The following RAD51AP1 variants were observed in gnomAD, a reference collection of about 807,000 sequenced individuals.
RAD51AP1 encodes RAD51-associated protein 1.
In RAD51AP1, 14 loss-of-function variants were observed where a neutral mutation model predicts 34.3. The ratio of observed to expected loss-of-function variants is 0.41; its 90% CI spans 0.27 to 0.64. The LOEUF is 0.64. Among genes scored for constraint, RAD51AP1 ranks in the 30% least tolerant of loss-of-function variants. The pLI, the probability that RAD51AP1 is intolerant of heterozygous loss-of-function variation, is 0.33. For missense variants in RAD51AP1, 348 were observed against 386.9 expected (o/e 0.90, Z 0.84); for synonymous variants, 114 against 129.8 (o/e 0.88, Z 0.83).
At chr12:4,541,438 A>G (rs932853111) in intron 1 of RAD51AP1, among the ~76,000 whole-genome samples, 6 of 152,218 alleles carry the variant, frequency 3.9e-5, no homozygotes, top group Admixed American at 1.3e-4. Context: ...CTAGTAAGGA[A>G]GATAGAATGC....
chr12:4,551,588 A>T (rs1403836930), intron 6 of RAD51AP1, among the ~76,000 whole-genome samples: 1 of 152,102 alleles, frequency 6.6e-6, no homozygotes, highest in Non-Finnish European at 1.5e-5. Context: ...AGGACAATTG[A>T]CTCAACTGCT....
At chr12:4,552,871 G>A (rs1399187687) in intron 6 of RAD51AP1, 112 bp from the exon 7 acceptor site, 15 of 991,984 alleles carry the variant, frequency 1.5e-5, no homozygotes, top group Non-Finnish European at 1.9e-5. Flanking sequence ...TTCTGCTACT[G>A]GAAACAGTGC....
At chr12:4,543,928 A>G in intron 3 of RAD51AP1, 24 bp downstream of exon 3, 3 of 1,570,958 alleles carry the variant, frequency 1.9e-6, no homozygotes, top group Non-Finnish European at 2.6e-6. Context: ...CATGCAGTAA[A>G]TATATGACAT....
At chr12:4,544,683 A>C (rs184580760) in intron 3 of RAD51AP1, among the ~76,000 whole-genome samples, 120 of 152,316 alleles carry the variant, frequency 7.9e-4, no homozygotes, top group Non-Finnish European at 1.5e-3. Flanking sequence ...TGTAAATCAG[A>C]TAACTGATAA....
chr12:4,539,000 G>A, intron 1 of RAD51AP1, 44 bp downstream of exon 1: 2 of 1,601,984 alleles, frequency 1.2e-6, no homozygotes, highest in Non-Finnish European at 1.7e-6. Context: ...GGAAAACTAA[G>A]GGAAAAGACA....
chr12:4,551,660 A>G (rs1359935989), intron 6 of RAD51AP1, among the ~76,000 whole-genome samples: 1 of 152,190 alleles, frequency 6.6e-6, no homozygotes, highest in Non-Finnish European at 1.5e-5. Context: ...AAAGAGATTA[A>G]TATAGACTGA....
chr12:4,551,591 C>G (rs182564611), intron 6 of RAD51AP1, among the ~76,000 whole-genome samples: 21 of 151,832 alleles, frequency 1.4e-4, no homozygotes, highest in African/African-American at 5.1e-4. Context: ...ACAATTGACT[C>G]AACTGCTTCA....
At chr12:4,548,990 GA>G (rs1434572968) in intron 6 of RAD51AP1, among the ~76,000 whole-genome samples, 154 bp downstream of exon 6, 1 of 152,208 alleles carries the variant, frequency 6.6e-6, no homozygotes, top group African/African-American at 2.4e-5. Context: ...AGCATTTGGG[GA>G]AAAAGTTTTT....
chr12:4,559,060 G>A lies in RAD51AP1; in HGVS notation c.*67G>A. 1 of 1,553,802 alleles carries A rather than the reference G, an allele frequency of 6.4e-7. No homozygotes were observed. Among genetic ancestry groups the A allele is most frequent in the Non-Finnish European group, 8.8e-7 (1 of 1,138,034 alleles). On this transcript the variant is annotated 3_prime_UTR_variant, in exon 9 of 9. Transcript: ENST00000352618. ...TTACAAGGGTGTTTATATTTGATTT[G>A]TGTTTATATTTGAGGCAGGTATTGT...
intron 4 of RAD51AP1, among the ~76,000 whole-genome samples, chr12:4,546,943 G>T (rs1461403180): frequency 6.6e-6 from 1 of 152,180 alleles, no homozygotes; most frequent in Non-Finnish European, 1.5e-5. Flanking sequence ...TCCTGAAAAA[G>T]ATACTCTACT....
chr12:4,545,600 A>T (rs1271249177), intron 3 of RAD51AP1, among the ~76,000 whole-genome samples: 1 of 152,126 alleles, frequency 6.6e-6, no homozygotes, highest in Non-Finnish European at 1.5e-5. Flanking sequence ...AAAAAAATAA[A>T]TTCTTTAAGG....
intron 8 of RAD51AP1, among the ~76,000 whole-genome samples, chr12:4,557,356 C>T (rs1041126774): frequency 6.6e-6 from 1 of 152,134 alleles, no homozygotes; most frequent in African/African-American, 2.4e-5. Flanking sequence ...GACTACTATT[C>T]ATAGATTTAG....
At chr12:4,539,659 T>C (rs1420408828) in intron 1 of RAD51AP1, among the ~76,000 whole-genome samples, 1 of 152,126 alleles carries the variant, frequency 6.6e-6, no homozygotes, top group Admixed American at 6.6e-5. Context: ...GAGGCGATAA[T>C]GCATGCACTG....
chr12:4,541,584 A>G (rs754494855), intron 1 of RAD51AP1, among the ~76,000 whole-genome samples: 4 of 152,152 alleles, frequency 2.6e-5, no homozygotes, highest in African/African-American at 4.8e-5. Flanking sequence ...TTATCATATA[A>G]TTGAAAAGCC....
At chr12:4,558,095 C>T (rs1944595272) in intron 8 of RAD51AP1, among the ~76,000 whole-genome samples, 1 of 151,316 alleles carries the variant, frequency 6.6e-6, no homozygotes, top group Admixed American at 6.6e-5. Flanking sequence ...CCACCAAGAC[C>T]CCAAAAGTAA....
In RAD51AP1 at chr12:4,558,938, G is replaced by A; in HGVS notation, c.953G>A (p.Gly318Asp). Residue 318 changes from glycine to aspartate, a missense_variant, in exon 9 of 9, where the codon GGC (glycine) becomes GAC (aspartate). By Grantham distance (94) the Gly-to-Asp change is moderately conservative. Transcript: ENST00000352618. ...VKSPNQSLRL[G>D]LSRLARVKPL... ...TCTCCCAATCAGAGTCTCCGCCTTG[G>A]CTTGTCCAGATTAGCACGAGTTAAA... is the stretch of plus-strand genomic sequence containing the variant. 4 of 1,614,124 alleles carry A rather than the reference G, an allele frequency of 2.5e-6. No individual in the cohort carries two copies. Among genetic ancestry groups the A allele is most frequent in the Non-Finnish European group, 3.4e-6 (4 of 1,179,974 alleles).
At chr12:4,543,946 G>GTCTCT in intron 3 of RAD51AP1, 42 bp downstream of exon 3, 2 of 1,499,596 alleles carry the variant, frequency 1.3e-6, no homozygotes, top group Non-Finnish European at 9.0e-7. Context: ...CATTAGATGT[G>GTCTCT]TTAATTTTAA....
At chr12:4,553,936 C>T (rs1034334671) in intron 7 of RAD51AP1, among the ~76,000 whole-genome samples, 1 of 152,258 alleles carries the variant, frequency 6.6e-6, no homozygotes, top group African/African-American at 2.4e-5. Context: ...CTGTCACCTT[C>T]AGTAGCCTGT....
In RAD51AP1 at chr12:4,559,492, A is replaced by G. The variant is rs1944606411; in HGVS notation, c.*499A>G. On this transcript the variant is annotated 3_prime_UTR_variant, in exon 9 of 9. Transcript: ENST00000352618. ...TATAGTACAAACTTAGAATTATTTTACACACTAAAATGGTTGCAGTTTTAT... is the reference window on the plus strand; with the variant it reads ...TATAGTACAAACTTAGAATTATTTTGCACACTAAAATGGTTGCAGTTTTAT... 6.6e-6 allele frequency: 1 copy of G among 152,324 alleles called. No individual in the cohort carries two copies. 9.4% of individuals were successfully genotyped at this position (152,324 alleles called of 1,614,324 possible).
Sources: allele counts gnomAD v4.1 joint callset (sites outside exome capture counted in the v4.1 genomes callset), GRCh38; gene constraint gnomAD v4.1.1; transcripts MANE v1.5; gene names NCBI Gene and HGNC (gene_info 2026-07-23, HGNC 2026-07-21).